HEMK2: variants seen among roughly 807,000 people sequenced by gnomAD.
HEMK2 encodes HemK methyltransferase 2, ETF1 glutamine and histone H4 lysine, also known as methyltransferase HEMK2.
the HEMK2 span, among the ~76,000 whole-genome samples, chr21:28,723,176 A>AT: frequency 9.6e-4 from 143 of 149,024 alleles, no homozygotes; most frequent in Non-Finnish European, 1.4e-3. Flanking sequence ...TGACCAGCTA[A>AT]TTTTTTTTTA....
the HEMK2 span, chr21:28,626,673 A>G: frequency 1.3e-5 from 2 of 152,168 alleles, no homozygotes; most frequent in African/African-American, 2.4e-5. Context: ...TCCAGGCCCC[A>G]TCTCTACATA....
At chr21:28,709,962 A>G in the HEMK2 span, among the ~76,000 whole-genome samples, 1 of 152,204 alleles carries the variant, frequency 6.6e-6, no homozygotes, top group Non-Finnish European at 1.5e-5. Context: ...TCTTTTGACC[A>G]TGATACTGCC....
the HEMK2 span, among the ~76,000 whole-genome samples, chr21:28,659,419 C>T: frequency 6.6e-6 from 1 of 152,042 alleles, no homozygotes; most frequent in Non-Finnish European, 1.5e-5. Flanking sequence ...ATTTTAGCAG[C>T]ATTTGCCCAT....
the HEMK2 span, among the ~76,000 whole-genome samples, chr21:28,788,001 G>GTA: frequency 8.7e-4 from 132 of 151,680 alleles, no homozygotes; most frequent in African/African-American, 2.7e-3. Flanking sequence ...ACTATGGTAT[G>GTA]TATATATATA....
the HEMK2 span, among the ~76,000 whole-genome samples, chr21:28,807,274 C>A: frequency 3.3e-5 from 5 of 152,230 alleles, no homozygotes; most frequent in African/African-American, 1.2e-4. Flanking sequence ...AAAGACATCA[C>A]CATCTACTAA....
chr21:28,747,293 T>A, the HEMK2 span, among the ~76,000 whole-genome samples: 1 of 152,212 alleles, frequency 6.6e-6, no homozygotes, highest in African/African-American at 2.4e-5. Context: ...GTCTTCCTGT[T>A]TGACCGCAGT....
chr21:28,766,768 T>C, the HEMK2 span, among the ~76,000 whole-genome samples: 2 of 152,136 alleles, frequency 1.3e-5, no homozygotes, highest in Admixed American at 6.6e-5. Context: ...AAATATTGTA[T>C]GTTCTCACTT....
the HEMK2 span, among the ~76,000 whole-genome samples, chr21:28,854,552 CTAAG>C: frequency 6.6e-6 from 1 of 151,944 alleles, no homozygotes; most frequent in South Asian, 2.1e-4. Context: ...AGGGGATTTA[CTAAG>C]TATTAACTCA....
the HEMK2 span, among the ~76,000 whole-genome samples, chr21:28,752,724 C>T: frequency 1.3e-5 from 2 of 152,256 alleles, no homozygotes; most frequent in East Asian, 1.9e-4. Context: ...ACGTCCTCAT[C>T]GGATGGGGGC....
the HEMK2 span, among the ~76,000 whole-genome samples, chr21:28,766,906 T>C: frequency 6.6e-6 from 1 of 152,010 alleles, no homozygotes; most frequent in African/African-American, 2.4e-5. Context: ...TACTGTACAC[T>C]GCTTGGGCAA....
the HEMK2 span, among the ~76,000 whole-genome samples, chr21:28,707,366 C>T: frequency 4.6e-5 from 7 of 151,842 alleles, no homozygotes; most frequent in African/African-American, 1.7e-4. Flanking sequence ...AGTGATCCTC[C>T]CACCTCAGCC....
At chr21:28,629,465 T>C in the HEMK2 span, among the ~76,000 whole-genome samples, 5 of 152,238 alleles carry the variant, frequency 3.3e-5, no homozygotes, top group Non-Finnish European at 5.9e-5. Flanking sequence ...ATAGCCAGAA[T>C]GTGCACTTCC....
the HEMK2 span, among the ~76,000 whole-genome samples, chr21:28,866,871 C>T: frequency 0.84 from 127,553 of 152,134 alleles, 53,929 homozygotes; most frequent in South Asian, 0.93. Context: ...AAATCTGATA[C>T]AAAATGCTTA....
the HEMK2 span, among the ~76,000 whole-genome samples, chr21:28,790,243 T>C: frequency 1.3e-5 from 2 of 152,214 alleles, no homozygotes; most frequent in Admixed American, 1.3e-4. Flanking sequence ...ATTTTGATGA[T>C]AAACACCTGC....
At chr21:28,879,000 CTAA>C in the HEMK2 span, among the ~76,000 whole-genome samples, 1 of 146,962 alleles carries the variant, frequency 6.8e-6, no homozygotes. Flanking sequence ...CTCTAACAAT[CTAA>C]TTATATTTTA....
chr21:28,649,812 G>A, the HEMK2 span, among the ~76,000 whole-genome samples: 1 of 152,002 alleles, frequency 6.6e-6, no homozygotes, highest in Admixed American at 6.5e-5. Flanking sequence ...AAGTGGAGAA[G>A]AAAATCAAGG....
chr21:28,644,606 G>T, the HEMK2 span, among the ~76,000 whole-genome samples: 1 of 152,154 alleles, frequency 6.6e-6, no homozygotes, highest in South Asian at 2.1e-4. Context: ...GATCAAATGA[G>T]CTAATAACTG....
the HEMK2 span, among the ~76,000 whole-genome samples, chr21:28,795,708 T>C: frequency 1.3e-5 from 2 of 152,190 alleles, no homozygotes; most frequent in Non-Finnish European, 2.9e-5. Context: ...ATAAAATATA[T>C]TCAGAGGAGC....
the HEMK2 span, among the ~76,000 whole-genome samples, chr21:28,615,136 A>C: frequency 6.6e-6 from 1 of 152,170 alleles, no homozygotes; most frequent in Non-Finnish European, 1.5e-5. Flanking sequence ...TTGTCTGCAA[A>C]TAAGGGAAGA....
Sources: allele counts gnomAD v4.1 joint callset (sites outside exome capture counted in the v4.1 genomes callset), GRCh38; gene constraint gnomAD v4.1.1; transcripts MANE v1.5; gene names NCBI Gene and HGNC (gene_info 2026-07-23, HGNC 2026-07-21).